RAPGEF1: variants seen among roughly 807,000 people sequenced by gnomAD.
RAPGEF1 encodes the protein Rap guanine nucleotide exchange factor 1.
In RAPGEF1, 33 loss-of-function variants were observed where a neutral mutation model predicts 143.3. That is an observed-to-expected ratio of 0.23 (90% confidence interval 0.17 to 0.31). The LOEUF (loss-of-function observed/expected upper bound fraction) is 0.31. Ranked by LOEUF, RAPGEF1 falls within the 10% of genes least tolerant of loss-of-function variation. The pLI is 1.00. For synonymous variants in RAPGEF1, 629 were observed against 676.5 expected, an observed-to-expected ratio of 0.93 and a Z score of 1.09; for missense variants, 1,199 against 1,645.4, an observed-to-expected ratio of 0.73 and a Z score of 4.69.
intron 1 of RAPGEF1, among the ~76,000 whole-genome samples, chr9:131,699,495 C>T (rs1834468201): frequency 6.6e-6 from 1 of 152,142 alleles, no homozygotes; most frequent in African/African-American, 2.4e-5. Flanking sequence ...CCGCCCGCCT[C>T]GGCCTCCCAA....
chr9:131,710,131 G>A (rs1037336879), intron 1 of RAPGEF1, among the ~76,000 whole-genome samples: 2 of 152,188 alleles, frequency 1.3e-5, no homozygotes, highest in African/African-American at 4.8e-5. Context: ...GGCATGCCAG[G>A]AGAAACATTT....
intron 1 of RAPGEF1, among the ~76,000 whole-genome samples, chr9:131,732,522 C>T (rs1457760808): frequency 1.3e-5 from 2 of 152,288 alleles, no homozygotes; most frequent in South Asian, 2.1e-4. Context: ...AACCGAGTGG[C>T]GGCTCAGCCT....
chr9:131,614,028 A>T (rs1211074760), intron 12 of RAPGEF1, among the ~76,000 whole-genome samples: 3 of 152,162 alleles, frequency 2.0e-5, no homozygotes, highest in Non-Finnish European at 4.4e-5. Flanking sequence ...TGGGAGGGAG[A>T]GGCCTCAAGG....
intron 12 of RAPGEF1, among the ~76,000 whole-genome samples, chr9:131,613,451 A>G (rs550905361): frequency 1.2e-4 from 18 of 152,158 alleles, no homozygotes; most frequent in Non-Finnish European, 2.4e-4. Flanking sequence ...AGGGTTGAGA[A>G]GCAGGGAGGG....
chr9:131,631,998 C>T (rs1158829302), intron 5 of RAPGEF1, among the ~76,000 whole-genome samples: 1 of 152,202 alleles, frequency 6.6e-6, no homozygotes, highest in Non-Finnish European at 1.5e-5. Context: ...GCACCAGGTG[C>T]AGTGGCTCAT....
rs767861484 is a variant in RAPGEF1 at position 131,628,509 on chromosome 9, C to G, written c.1017+40G>C. The G allele has an allele frequency of 7.5e-6, 12 of 1,599,614 alleles. No individual in the cohort carries two copies. Among genetic ancestry groups the G allele is most frequent in the Admixed American group, 1.7e-5 (1 of 59,582 alleles). On this transcript the variant is annotated intron_variant, in intron 8 of 26. Transcript: ENST00000683357. This position sits in a 1 kb window ranked among gnomAD's most constrained non-coding sequence, Gnocchi z 5.7. ...AGCCACATCCCTGAGCCCCCCACCC[C>G]CTCCCTGCCTTCCCATGCAGGGAAC...
chr9:131,681,087 G>A (rs764994514), intron 1 of RAPGEF1, among the ~76,000 whole-genome samples: 5 of 152,262 alleles, frequency 3.3e-5, no homozygotes, highest in Admixed American at 1.3e-4. Flanking sequence ...TTTTCACACC[G>A]ATGATGAGGA....
intron 1 of RAPGEF1, among the ~76,000 whole-genome samples, chr9:131,696,717 A>C (rs1000702093): frequency 3.3e-5 from 5 of 152,260 alleles, no homozygotes; most frequent in Non-Finnish European, 5.9e-5. Context: ...GTCCATAAGT[A>C]GGTGTCTGAT....
chr9:131,679,164 CA>C (rs539591567), intron 1 of RAPGEF1, among the ~76,000 whole-genome samples: 4 of 144,838 alleles, frequency 2.8e-5, no homozygotes, highest in South Asian at 2.3e-4. Context: ...CATTATGTGA[CA>C]AGGGGGGGGC....
Position 131,667,877 on chromosome 9 carries a change from C to T in RAPGEF1, c.62-16928G>A, listed in dbSNP as rs2130702109. The stretch of plus-strand genomic sequence containing the variant: ...ACTGGGCCGTTGGGAGGATGTCATA[C>T]AGTACTGCACATACAGTGAGTCACT... On this transcript the variant is annotated intron_variant, in intron 1 of 26. Transcript: ENST00000683357. The surrounding 1 kb of genome is among the most constrained non-coding windows in gnomAD (Gnocchi z 4.6). 6.6e-6 allele frequency among the ~76,000 whole-genome samples: 1 copy of T among 152,292 alleles called. No individual in the cohort carries two copies. The highest frequency in any genetic ancestry group is 1.9e-4 in the East Asian group (1 of 5,178).
chr9:131,630,179 G>T, intron 6 of RAPGEF1, 57 bp downstream of exon 6: 3 of 1,463,824 alleles, frequency 2.0e-6, no homozygotes, highest in Non-Finnish European at 1.9e-6. Flanking sequence ...TCCTTGTCAA[G>T]TGCAGACTTT....
Position 131,662,531 on chromosome 9 carries a change from C to T in RAPGEF1, c.62-11582G>A, listed in dbSNP as rs1173689983. 1.7e-4 allele frequency among the ~76,000 whole-genome samples: 26 copies of T among 151,222 alleles called. 1 individual carries two copies. The highest frequency in any genetic ancestry group is 8.6e-4 in the Admixed American group (13 of 15,102). On this transcript the variant is annotated intron_variant, in intron 1 of 26. Transcript: ENST00000683357. The stretch of plus-strand genomic sequence containing the variant: ...TACAGGCATGCGCCACTATGCCTGG[C>T]TAATTTTTTGTTTTATTTTGTTTTT...
At chr9:131,581,887 T>G (rs1951916620) in intron 25 of RAPGEF1, among the ~76,000 whole-genome samples, 1 of 152,160 alleles carries the variant, frequency 6.6e-6, no homozygotes, top group Admixed American at 6.5e-5. Flanking sequence ...AGCCTGGGGA[T>G]TTGTATCTCT....
chr9:131,656,883 A>C lies in RAPGEF1; in HGVS notation c.62-5934T>G, dbSNP rs183443584. Among the ~76,000 whole-genome samples the C allele has an allele frequency of 6.5e-3, 990 of 152,360 alleles. 17 individuals are homozygous for C. The highest frequency in any genetic ancestry group is 0.01 in the Middle Eastern group (3 of 294). ...GGAAAACATGTCAGCACCTAAAGACAGTGCAATGCCTACCAATAAATCTCC... is the reference window on the plus strand; with the variant it reads ...GGAAAACATGTCAGCACCTAAAGACCGTGCAATGCCTACCAATAAATCTCC... On this transcript the variant is annotated intron_variant, in intron 1 of 26. Transcript: ENST00000683357.
intron 3 of RAPGEF1, among the ~76,000 whole-genome samples, chr9:131,645,236 G>C (rs1375460107): frequency 6.6e-6 from 1 of 152,212 alleles, no homozygotes; most frequent in African/African-American, 2.4e-5. Context: ...TGTGCCTAAA[G>C]CCATGGTCAA....
intron 12 of RAPGEF1, among the ~76,000 whole-genome samples, chr9:131,613,310 A>T (rs1371247640): frequency 6.6e-6 from 1 of 152,134 alleles, no homozygotes; most frequent in Admixed American, 6.5e-5. Flanking sequence ...GAAGGGATGA[A>T]GGGAAGGCAG....
intron 1 of RAPGEF1, among the ~76,000 whole-genome samples, chr9:131,733,285 A>C (rs1837199068): frequency 6.7e-6 from 1 of 149,996 alleles, no homozygotes; most frequent in Admixed American, 6.7e-5. Flanking sequence ...CCGCCACGGC[A>C]CATGTATACC....
chr9:131,733,422 A>G (rs1244835648), intron 1 of RAPGEF1, among the ~76,000 whole-genome samples: 2 of 150,984 alleles, frequency 1.3e-5, no homozygotes, highest in Non-Finnish European at 3.0e-5. Flanking sequence ...AAAAACACAA[A>G]CAGAGGAGCG....
intron 12 of RAPGEF1, among the ~76,000 whole-genome samples, chr9:131,608,546 C>T (rs1957478906): frequency 6.6e-6 from 1 of 152,128 alleles, no homozygotes; most frequent in South Asian, 2.1e-4. Flanking sequence ...GAGGGGGCAG[C>T]TAGCAAGGAG....
Sources: allele counts gnomAD v4.1 joint callset (sites outside exome capture counted in the v4.1 genomes callset), GRCh38; gene constraint gnomAD v4.1.1; non-coding constraint Gnocchi (gnomAD v3.1); transcripts MANE v1.5; gene names NCBI Gene and HGNC (gene_info 2026-07-23, HGNC 2026-07-21).